HYAL4: variants seen among roughly 807,000 people sequenced by gnomAD.
HYAL4 encodes the protein hyaluronidase 4, also known as hyaluronidase-4.
A neutral mutation model predicts 35.2 loss-of-function variants in HYAL4; 37 were observed. The observed-to-expected ratio is 1.05, with a 90% CI of 0.81 to 1.38. HYAL4 has a LOEUF of 1.38. HYAL4 is among the 40% of genes most tolerant of loss of function. The probability of loss-of-function intolerance (pLI) is 0.00; values close to 1 mark genes in which losing one functional copy is unlikely to be tolerated. For missense variants in HYAL4, 572 were observed against 572.4 expected (o/e 1.00, Z 0.01); for synonymous variants, 198 against 203.2 (o/e 0.97, Z 0.22).
At chr7:123,764,139 C>T in the HYAL4 span, among the ~76,000 whole-genome samples, 2 of 152,132 alleles carry the variant, frequency 1.3e-5, no homozygotes, top group African/African-American at 2.4e-5. Flanking sequence ...CGCATCACCA[C>T]GCCTGACTAA....
chr7:123,789,238 A>G, the HYAL4 span, among the ~76,000 whole-genome samples: 1 of 152,230 alleles, frequency 6.6e-6, no homozygotes, highest in Non-Finnish European at 1.5e-5. Context: ...TAGGACGTGA[A>G]GTGATAAATA....
the HYAL4 span, among the ~76,000 whole-genome samples, chr7:123,802,916 C>T: frequency 6.6e-6 from 1 of 152,142 alleles, no homozygotes; most frequent in Non-Finnish European, 1.5e-5. Context: ...TCATGACTGA[C>T]CTTGCTGGTG....
At chr7:123,766,415 A>C in the HYAL4 span, among the ~76,000 whole-genome samples, 3 of 152,094 alleles carry the variant, frequency 2.0e-5, no homozygotes, top group Admixed American at 2.0e-4. Flanking sequence ...GGGGTTTACG[A>C]GTTTTCAATG....
chr7:123,865,814 C>T (rs1806674331), intron 2 of HYAL4, among the ~76,000 whole-genome samples: 1 of 152,216 alleles, frequency 6.6e-6, no homozygotes, highest in South Asian at 2.1e-4. Context: ...CTAATGAAAA[C>T]ATTCCTGAGA....
the HYAL4 span, among the ~76,000 whole-genome samples, chr7:123,808,845 C>T: frequency 2.0e-5 from 3 of 152,158 alleles, no homozygotes; most frequent in Admixed American, 1.3e-4. Flanking sequence ...TCACTGTTTC[C>T]TCACATGGTG....
At chr7:123,783,992 T>G in the HYAL4 span, among the ~76,000 whole-genome samples, 2 of 151,228 alleles carry the variant, frequency 1.3e-5, no homozygotes, top group Non-Finnish European at 2.9e-5. Context: ...TCTTACTATT[T>G]TAGCAAGAAC....
chr7:123,777,010 C>T, the HYAL4 span, among the ~76,000 whole-genome samples: 1 of 152,154 alleles, frequency 6.6e-6, no homozygotes, highest in African/African-American at 2.4e-5. Flanking sequence ...TGCAACAGAC[C>T]ATTATCCTGG....
chr7:123,779,173 A>C, the HYAL4 span, among the ~76,000 whole-genome samples: 1 of 152,324 alleles, frequency 6.6e-6, no homozygotes, highest in African/African-American at 2.4e-5. Context: ...AAAATTTCTC[A>C]GTATTAATTT....
chr7:123,794,990 G>A, the HYAL4 span, among the ~76,000 whole-genome samples: 1 of 152,240 alleles, frequency 6.6e-6, no homozygotes, highest in African/African-American at 2.4e-5. Context: ...ACCCTGCAAA[G>A]CCACAGGGGC....
At chr7:123,791,026 A>C in the HYAL4 span, among the ~76,000 whole-genome samples, 1 of 152,068 alleles carries the variant, frequency 6.6e-6, no homozygotes, top group East Asian at 1.9e-4. Flanking sequence ...CGGCCTCCCA[A>C]ATTGCTGGGA....
chr7:123,832,329 G>T (rs1805895975), intron 1 of HYAL4, among the ~76,000 whole-genome samples: 1 of 151,248 alleles, frequency 6.6e-6, no homozygotes, highest in Non-Finnish European at 1.5e-5. Context: ...GTGGTATTTG[G>T]TTACATGAGT....
At chr7:123,816,548 AT>A in the HYAL4 span, among the ~76,000 whole-genome samples, 1 of 152,204 alleles carries the variant, frequency 6.6e-6, no homozygotes, top group Non-Finnish European at 1.5e-5. Context: ...GGAGAATGAG[AT>A]GAGCCACATT....
At chr7:123,775,766 C>T in the HYAL4 span, among the ~76,000 whole-genome samples, 2 of 151,980 alleles carry the variant, frequency 1.3e-5, no homozygotes, top group Admixed American at 6.6e-5. Context: ...GATGACAGAC[C>T]AAAAGAGTTC....
chr7:123,851,944 G>C (rs183818729), intron 2 of HYAL4, among the ~76,000 whole-genome samples: 289 of 152,310 alleles, frequency 1.9e-3, no homozygotes, highest in African/African-American at 6.5e-3. Context: ...TAACTGGTGT[G>C]AGATGGTATC....
chr7:123,788,431 T>C, the HYAL4 span, among the ~76,000 whole-genome samples: 1 of 152,226 alleles, frequency 6.6e-6, no homozygotes, highest in Non-Finnish European at 1.5e-5. Context: ...CATAACATCT[T>C]GATAAATTTG....
chr7:123,796,139 T>C, the HYAL4 span, among the ~76,000 whole-genome samples: 1 of 152,218 alleles, frequency 6.6e-6, no homozygotes, highest in East Asian at 1.9e-4. Flanking sequence ...ATGCAAAGAA[T>C]AAGCACTATT....
intron 1 of HYAL4, among the ~76,000 whole-genome samples, chr7:123,832,804 C>T (rs1277900148): frequency 1.3e-5 from 2 of 152,072 alleles, no homozygotes; most frequent in African/African-American, 4.8e-5. Context: ...ATTCTTATAC[C>T]TTTGCATACT....
the HYAL4 span, among the ~76,000 whole-genome samples, chr7:123,790,868 G>A: frequency 4.6e-5 from 7 of 151,918 alleles, no homozygotes; most frequent in East Asian, 9.7e-4. Flanking sequence ...GAGTTCAAGC[G>A]ATTCTCCTGC....
chr7:123,805,793 G>A, the HYAL4 span, among the ~76,000 whole-genome samples: 2 of 152,110 alleles, frequency 1.3e-5, no homozygotes, highest in Admixed American at 1.3e-4. Context: ...AGAAATTGCA[G>A]TAAAAGAATC....
Sources: gnomAD v4.1 joint callset for allele counts (sites outside exome capture counted in the v4.1 genomes callset) on GRCh38, gnomAD v4.1.1 for gene constraint, MANE v1.5 for transcripts, NCBI Gene and HGNC (gene_info 2026-07-23, HGNC 2026-07-21) for gene names.